Variants in CAMK2D observed in about 807,000 individuals in gnomAD.
CAMK2D encodes the protein calcium/calmodulin dependent protein kinase II delta, also known as calcium/calmodulin-dependent protein kinase type II subunit delta.
In CAMK2D, 37 loss-of-function variants were observed where a neutral mutation model predicts 84.0. The observed-to-expected ratio is 0.44, with a 90% CI of 0.34 to 0.58. The LOEUF (loss-of-function observed/expected upper bound fraction) is 0.58. Among genes scored for constraint, CAMK2D ranks in the 20% least tolerant of loss-of-function variants. The pLI is 0.02. For missense variants in CAMK2D, 448 were observed against 652.5 expected (o/e 0.69, Z 3.41); for synonymous variants, 202 against 212.5 (o/e 0.95, Z 0.43).
intron 3 of CAMK2D, among the ~76,000 whole-genome samples, chr4:113,630,363 G>C (rs1313619978): frequency 6.6e-6 from 1 of 152,032 alleles, no homozygotes; most frequent in African/African-American, 2.4e-5. Flanking sequence ...GGGGTTATGC[G>C]GTCTTTGAGA....
chr4:113,743,519 C>A (rs1019646363), intron 2 of CAMK2D, among the ~76,000 whole-genome samples: 3 of 152,172 alleles, frequency 2.0e-5, no homozygotes, highest in African/African-American at 7.2e-5. Context: ...ACTTCTATTT[C>A]TCTTCTTCTC....
intron 14 of CAMK2D, 134 bp downstream of exon 14, chr4:113,504,842 A>C (rs551178441): frequency 6.8e-5 from 25 of 368,386 alleles, no homozygotes; most frequent in Middle Eastern, 7.2e-4. Flanking sequence ...AAAAAAAAAA[A>C]AAAACAAAAC....
intron 16 of CAMK2D, among the ~76,000 whole-genome samples, chr4:113,493,862 A>G (rs1590126965): frequency 1.3e-5 from 2 of 151,944 alleles, no homozygotes; most frequent in East Asian, 3.9e-4. Flanking sequence ...TTTTTTCTCT[A>G]AACTTCCCTT....
chr4:113,509,691 A>C lies in CAMK2D; in HGVS notation c.947-16T>G. 1 of 1,600,382 alleles carries C rather than the reference A, an allele frequency of 6.2e-7. No homozygotes were observed. ...CTCTTGGCTGCTGTAAAATGAGAGTAAAATCAGTTTAGTGAGTTATCCATA... is the reference window on the plus strand; with the variant it reads ...CTCTTGGCTGCTGTAAAATGAGAGTCAAATCAGTTTAGTGAGTTATCCATA... On this transcript the variant is annotated splice_polypyrimidine_tract_variant and intron_variant, in intron 12 of 20. Coordinates refer to ENST00000511664, the MANE Select transcript of CAMK2D (RefSeq NM_001321571.2).
At chr4:113,641,457 T>A (rs2154294636) in intron 3 of CAMK2D, among the ~76,000 whole-genome samples, 1 of 152,318 alleles carries the variant, frequency 6.6e-6, no homozygotes, top group Middle Eastern at 3.4e-3. Flanking sequence ...GATAATTATG[T>A]TAAGTGTTTA....
chr4:113,580,742 A>G (rs1398001120), intron 4 of CAMK2D, among the ~76,000 whole-genome samples: 1 of 152,128 alleles, frequency 6.6e-6, no homozygotes, highest in Non-Finnish European at 1.5e-5. Flanking sequence ...ACTTCATAAG[A>G]TTATCAGGAT....
intron 4 of CAMK2D, among the ~76,000 whole-genome samples, chr4:113,600,831 C>A (rs1463323766): frequency 6.6e-6 from 1 of 152,120 alleles, no homozygotes; most frequent in African/African-American, 2.4e-5. Flanking sequence ...GATGAGGTCT[C>A]ACTATGTTGC....
intron 4 of CAMK2D, among the ~76,000 whole-genome samples, chr4:113,589,256 G>A (rs1477441898): frequency 6.6e-6 from 1 of 151,968 alleles, no homozygotes; most frequent in Non-Finnish European, 1.5e-5. Context: ...GAAGGTGAGG[G>A]TAGAAAGAGG....
rs185286998 is a variant in CAMK2D at position 113,744,082 on chromosome 4, C to T, written c.160+15238G>A. On this transcript the variant is annotated intron_variant, in intron 2 of 20. Transcript: ENST00000511664. The stretch of plus-strand genomic sequence containing the variant: ...GTCTGGATCTCCTGACCTCGCGATC[C>T]GCCCACCTAGGCCTCCCAAAGTGCT... Among the ~76,000 whole-genome samples, 57 of 152,226 alleles carry T rather than the reference C, an allele frequency of 3.7e-4. 1 individual carries two copies. The East Asian group carries it at 9.1e-3, about 24-fold the overall frequency.
chr4:113,720,241 A>G (rs2099526231), intron 2 of CAMK2D, among the ~76,000 whole-genome samples: 1 of 152,016 alleles, frequency 6.6e-6, no homozygotes, highest in African/African-American at 2.4e-5. Flanking sequence ...CACCAGTTAA[A>G]GGGTTCTGAT....
chr4:113,698,343 AC>A, intron 2 of CAMK2D, among the ~76,000 whole-genome samples: 1 of 152,014 alleles, frequency 6.6e-6, no homozygotes, highest in East Asian at 1.9e-4. Flanking sequence ...CTTTTCTCAT[AC>A]ATTGACTTGG....
intron 16 of CAMK2D, among the ~76,000 whole-genome samples, chr4:113,478,060 C>T (rs2097652510): frequency 6.6e-6 from 1 of 151,764 alleles, no homozygotes; most frequent in South Asian, 2.1e-4. Flanking sequence ...AGGAAATCTG[C>T]ATTTATATTA....
chr4:113,740,484 G>A (rs1241153925), intron 2 of CAMK2D, among the ~76,000 whole-genome samples: 2 of 152,058 alleles, frequency 1.3e-5, no homozygotes, highest in East Asian at 1.9e-4. Context: ...TGAGGGAGAG[G>A]AGGAGAGGTA....
intron 16 of CAMK2D, among the ~76,000 whole-genome samples, chr4:113,468,674 AC>A (rs2097507719): frequency 1.3e-5 from 2 of 151,688 alleles, no homozygotes; most frequent in Admixed American, 1.3e-4. Context: ...AGTGGCTTGG[AC>A]AGACAAGTTG....
At chr4:113,576,221 T>C (rs931061318) in intron 4 of CAMK2D, among the ~76,000 whole-genome samples, 3 of 152,098 alleles carry the variant, frequency 2.0e-5, no homozygotes, top group Non-Finnish European at 2.9e-5. Flanking sequence ...TTTTTTATTT[T>C]TGACATTAAA....
In CAMK2D at chr4:113,453,244, C is replaced by T. The variant is rs1247335255; in HGVS notation, c.*1301G>A. The T allele has an allele frequency of 6.6e-6, 1 of 152,170 alleles. No individual in the cohort carries two copies. The highest frequency in any genetic ancestry group is 2.4e-5 in the African/African-American group (1 of 41,440). The allele number at this position is 152,170 out of a possible 1,614,324, so 9.4% of individuals were successfully genotyped here. A position where few individuals can be genotyped will look rare whatever the true frequency, so the allele number is the denominator to read the frequency against. On this transcript the variant is annotated 3_prime_UTR_variant, in exon 21 of 21. Coordinates refer to ENST00000511664, the MANE Select transcript of CAMK2D (RefSeq NM_001321571.2). ...AGAGAGAAGCTAAAAAAGCACAAGTCACAAAGATCAAGTTCAAAACACTTA... is the reference window on the plus strand; with the variant it reads ...AGAGAGAAGCTAAAAAAGCACAAGTTACAAAGATCAAGTTCAAAACACTTA...
chr4:113,541,907 A>G (rs2098532449), intron 6 of CAMK2D, among the ~76,000 whole-genome samples: 1 of 152,152 alleles, frequency 6.6e-6, no homozygotes, highest in African/African-American at 2.4e-5. Context: ...ATTTGTATAC[A>G]TGGTACAAGG....
At chr4:113,550,692 A>T (rs1461835833) in intron 5 of CAMK2D, among the ~76,000 whole-genome samples, 1 of 152,214 alleles carries the variant, frequency 6.6e-6, no homozygotes, top group Non-Finnish European at 1.5e-5. Flanking sequence ...TAAAAGTATT[A>T]CTGTTTCTTG....
intron 3 of CAMK2D, among the ~76,000 whole-genome samples, chr4:113,660,048 T>G (rs1010383370): frequency 6.6e-6 from 1 of 152,222 alleles, no homozygotes; most frequent in African/African-American, 2.4e-5. Flanking sequence ...AGAAATTGAA[T>G]GCCCCTACAC....
Sources: gnomAD v4.1 joint callset for allele counts (sites outside exome capture counted in the v4.1 genomes callset) on GRCh38, gnomAD v4.1.1 for gene constraint, MANE v1.5 for transcripts, NCBI Gene and HGNC (gene_info 2026-07-23, HGNC 2026-07-21) for gene names.